The following KRT9 variants were observed in gnomAD, a reference collection of about 807,000 sequenced individuals.
The protein encoded by KRT9 is keratin, type I cytoskeletal 9.
A neutral mutation model predicts 51.4 loss-of-function variants in KRT9; 34 were observed. That is an observed-to-expected ratio of 0.66 (90% CI 0.50 to 0.88). The LOEUF is 0.88. Among genes scored for constraint, KRT9 ranks in the 40% least tolerant of loss-of-function variants. The probability of loss-of-function intolerance (pLI) is 0.00; values close to 1 mark genes in which losing one functional copy is unlikely to be tolerated. For synonymous variants in KRT9, 292 were observed against 289.7 expected, an observed-to-expected ratio of 1.01 and a Z score of -0.08; for missense variants, 753 against 790.3, an observed-to-expected ratio of 0.95 and a Z score of 0.57.
intron 4 of KRT9, 144 bp downstream of exon 4, chr17:41,569,282 T>C (rs904536006): frequency 3.2e-5 from 27 of 853,710 alleles, no homozygotes; most frequent in South Asian, 2.7e-4. Flanking sequence ...TGAAGATGGA[T>C]GAATGACTTC....
intron 7 of KRT9, among the ~76,000 whole-genome samples, 169 bp from the exon 8 acceptor site, chr17:41,566,321 C>T (rs1906874125): frequency 6.6e-6 from 1 of 152,120 alleles, no homozygotes; most frequent in Admixed American, 6.5e-5. Flanking sequence ...TCTACTGGTC[C>T]CCATCTAATT....
Position 41,571,938 on chromosome 17 carries a change from C to T in KRT9, c.55G>A (p.Gly19Arg), listed in dbSNP as rs758748023. Residue 19 changes from glycine (G) to arginine (R), a missense_variant, in exon 1 of 8, where the codon GGG becomes AGG. Gly to Arg is a moderately radical substitution (Grantham distance 125, BLOSUM62 -2). Transcript: ENST00000246662. ...SYLSRSGGGG[G>R]GGLGSGGSIR... Reference sequence around the variant, plus strand: ...CTGCCCCCGCTGCCCAGGCCGCCCCCGCCACCCCCGCCGCTGCGGCTCAAG... The same window carrying T: ...CTGCCCCCGCTGCCCAGGCCGCCCCTGCCACCCCCGCCGCTGCGGCTCAAG... 20 of 1,576,740 alleles carry T rather than the reference C, an allele frequency of 1.3e-5. No individual in the cohort carries two copies. The highest frequency in any genetic ancestry group is 2.2e-4 in the Middle Eastern group (1 of 4,486).
At position 41,570,373 on chromosome 17, in the gene KRT9, C is replaced by T. The variant is rs115502542; in HGVS notation, c.643-153G>A. Reference sequence around the variant, plus strand: ...CAACAGCTGGGACATGGCACAGACCCCTTCCAGCCTTCAGCGAAGATGTTT... The same window carrying T: ...CAACAGCTGGGACATGGCACAGACCTCTTCCAGCCTTCAGCGAAGATGTTT... On this transcript the variant is annotated intron_variant, in intron 1 of 7. Transcript: ENST00000246662. Among the ~76,000 whole-genome samples the T allele has an allele frequency of 2.4e-4, 36 of 152,324 alleles. 1 individual carries two copies. Among genetic ancestry groups the T allele is most frequent in the African/African-American group, 8.7e-4 (36 of 41,574 alleles).
intron 4 of KRT9, 94 bp downstream of exon 4, chr17:41,569,332 C>T: frequency 4.0e-6 from 5 of 1,243,102 alleles, no homozygotes; most frequent in Non-Finnish European, 5.8e-6. Context: ...CTGAGAGATG[C>T]AGAGATAGGA....
Position 41,568,333 on chromosome 17 carries a change from T to C in KRT9, c.1223A>G (p.Gln408Arg), listed in dbSNP as rs1472651688. The C allele has an allele frequency of 2.5e-6, 4 of 1,614,100 alleles. No individual in the cohort carries two copies. The highest frequency in any genetic ancestry group is 3.4e-6 in the Non-Finnish European group (4 of 1,180,040). ...GATCTGCTCCTGGATCATCTGCAGC[T>C]GGCCACAGTAGCGGTTCTTCGTGTC... Reference protein sequence around the residue: ...LEDTKNRYCGQLQMIQEQISN... With the variant: ...LEDTKNRYCGRLQMIQEQISN... The change falls in exon 6 of 8, where the codon CAG (glutamine) becomes CGG (arginine). Residue 408 changes from glutamine to arginine, a missense_variant. By Grantham distance (43) the Gln-to-Arg change is conservative. Transcript: ENST00000246662.
At chr17:41,566,413 C>CAACT (rs1360501985) in intron 7 of KRT9, among the ~76,000 whole-genome samples, 1 of 152,122 alleles carries the variant, frequency 6.6e-6, no homozygotes, top group Non-Finnish European at 1.5e-5. Context: ...CCCCTCCATT[C>CAACT]AACAGATTTG....
chr17:41,568,242 G>A lies in KRT9; in HGVS notation c.1314C>T (p.Ser438=), dbSNP rs1177281124. The change falls in exon 6 of 8, where the codon AGC becomes AGT. Residue 438 remains serine, a synonymous_variant. Transcript: ENST00000246662. ...GCCGCATCTTAATGCTGAGCAGAAG[G>A]CTGTATTCCTGATTCTGGCACTCGA... ...QEIECQNQEY[S]LLLSIKMRLE... 7 of 1,614,006 alleles carry A rather than the reference G, an allele frequency of 4.3e-6. No individual in the cohort carries two copies. The highest frequency in any genetic ancestry group is 5.9e-6 in the Non-Finnish European group (7 of 1,180,036).
chr17:41,567,207 C>T lies in KRT9; in HGVS notation c.*40+26G>A, dbSNP rs566850786. On this transcript the variant is annotated intron_variant, in intron 7 of 7. Coordinates refer to ENST00000246662, the MANE Select transcript of KRT9 (RefSeq NM_000226.4). ...AAAAAGGTGAGACCTTGACTCTCCA[C>T]CCCACAACCTAGGATTGTCCCTTAC... 203 of 1,613,694 alleles carry T rather than the reference C, an allele frequency of 1.3e-4. 1 individual carries two copies. In the South Asian group the frequency reaches 2.0e-3, roughly 16 times the overall value.
rs1381184812 is a variant in KRT9, at chr17:41,571,360, G to A, written c.633C>T (p.Leu211=). The part of the protein sequence containing the change: ...YSPYYNTIDD[L]KDQIVDLTVG... ...AGTTTCCTGCACCTACCTGGTCCTT[G>A]AGATCATCAATAGTGTTATAATAAG... Residue 211 remains leucine, a synonymous_variant, in exon 1 of 8, where the codon CTC becomes CTT. Transcript: ENST00000246662. 1.2e-6 allele frequency: 2 copies of A among 1,613,648 alleles called. No homozygotes were observed. Among genetic ancestry groups the A allele is most frequent in the African/African-American group, 2.7e-5 (2 of 74,868 alleles).
chr17:41,571,660 A>G lies in KRT9; in HGVS notation c.333T>C (p.Phe111=), dbSNP rs1410739146. The change falls in exon 1 of 8, where the codon TTT becomes TTC. Residue 111 remains phenylalanine, a synonymous_variant. Coordinates refer to ENST00000246662, the MANE Select transcript of KRT9 (RefSeq NM_000226.4). ...SGGGYSSSGG[F]GGGFGGGSGG... ...CAGAACCACCACCAAAGCCACCTCC[A>G]AAACCCCCAGAACTACTATAGCCTC... 6.2e-6 allele frequency: 10 copies of G among 1,603,778 alleles called. 1 individual carries two copies. Among genetic ancestry groups the G allele is most frequent in the Middle Eastern group, 3.3e-4 (2 of 6,042 alleles).
At chr17:41,568,477 T>C in intron 5 of KRT9, 31 bp downstream of exon 5, 1 of 1,614,152 alleles carries the variant, frequency 6.2e-7, no homozygotes, top group Non-Finnish European at 8.5e-7. Context: ...GTGCCCCACC[T>C]TGGCAAAGGG....
In KRT9 at chr17:41,569,538, A is replaced by G. The variant is rs757308249; in HGVS notation, c.932T>C (p.Ile311Thr). Residue 311 changes from isoleucine to threonine, a missense_variant, in exon 4 of 8, where the codon ATA (isoleucine) becomes ACA (threonine). By Grantham distance (89) the Ile-to-Thr change is moderately conservative. This residue lies in a region of KRT9 where 507 missense variants were observed against 563.7 expected (regional missense o/e 0.90). Transcript: ENST00000246662. ...GQNSGDVNVEINVAPGKDLTK... is the reference protein window; with the variant it reads ...GQNSGDVNVETNVAPGKDLTK... The stretch of plus-strand genomic sequence containing the variant: ...GAGATCTTTGCCAGGAGCAACGTTT[A>G]TCTCCACATTGACATCTCCACTGTT... 4 of 1,614,114 alleles carry G rather than the reference A, an allele frequency of 2.5e-6. No homozygotes were observed. Among genetic ancestry groups the G allele is most frequent in the Admixed American group, 1.7e-5 (1 of 60,020 alleles).
chr17:41,568,947 C>CAT (rs1333293285), intron 4 of KRT9, among the ~76,000 whole-genome samples: 1 of 151,652 alleles, frequency 6.6e-6, no homozygotes, highest in East Asian at 1.9e-4. Flanking sequence ...CACACACACA[C>CAT]ACACACACAG....
In KRT9 at chr17:41,569,432, C is replaced by G. The variant is rs370687378; in HGVS notation, c.1038G>C (p.Glu346Asp). 3 of 1,613,972 alleles carry G rather than the reference C, an allele frequency of 1.9e-6. No individual in the cohort carries two copies. Among genetic ancestry groups the G allele is most frequent in the Non-Finnish European group, 2.5e-6 (3 of 1,179,978 alleles). Residue 346 changes from glutamate to aspartate, a missense_variant, in exon 4 of 8, where the codon GAG (glutamate) becomes GAC (aspartate). Glu to Asp is a conservative substitution (Grantham distance 45). Around this residue, in one of 3 missense-constraint regions of KRT9, gnomAD observed 507 missense variants for 563.7 expected, o/e 0.90. Coordinates refer to ENST00000246662, the MANE Select transcript of KRT9 (RefSeq NM_000226.4). Reference sequence around the variant, plus strand: ...GGCAGCCCACTCTGCTCACCTGAGTCTCATATTGATTCTCGATGTCCTTTC... The same window carrying G: ...GGCAGCCCACTCTGCTCACCTGAGTGTCATATTGATTCTCGATGTCCTTTC... ...KNRKDIENQY[E>D]TQITQIEHEV...
chr17:41,571,366 A>G lies in KRT9; in HGVS notation c.627T>C (p.Asp209=), dbSNP rs1907069347. The G allele has an allele frequency of 6.2e-7, 1 of 1,613,904 alleles. No individual in the cohort carries two copies. The highest frequency in any genetic ancestry group is 8.5e-7 in the Non-Finnish European group (1 of 1,179,914). Residue 209 remains aspartate (D), a synonymous_variant, in exon 1 of 8, where the codon GAT becomes GAC. Transcript: ENST00000246662. ...KNYSPYYNTI[D]DLKDQIVDLT... is the part of the protein sequence containing the mutation. ...CTGCACCTACCTGGTCCTTGAGATC[A>G]TCAATAGTGTTATAATAAGGGGAGT...
Position 41,568,266 on chromosome 17 carries a change from G to C in KRT9, c.1290C>G (p.Ile430Met), listed in dbSNP as rs145501803. Residue 430 changes from isoleucine to methionine, a missense_variant, in exon 6 of 8, where the codon ATC becomes ATG. Physicochemically the swap from Ile to Met is conservative, Grantham distance 10. Coordinates refer to ENST00000246662, the MANE Select transcript of KRT9 (RefSeq NM_000226.4). ...EAQITDVRQE[I>M]ECQNQEYSLL... Reference sequence around the variant, plus strand: ...GGCTGTATTCCTGATTCTGGCACTCGATCTCTTGCCGGACGTCAGTGATCT... The same window carrying C: ...GGCTGTATTCCTGATTCTGGCACTCCATCTCTTGCCGGACGTCAGTGATCT... 2.5e-6 allele frequency: 4 copies of C among 1,614,100 alleles called. No individual in the cohort carries two copies. Among genetic ancestry groups the C allele is most frequent in the Non-Finnish European group, 3.4e-6 (4 of 1,180,028 alleles).
chr17:41,571,242 G>A, intron 1 of KRT9, 109 bp downstream of exon 1: 2 of 1,030,914 alleles, frequency 1.9e-6, no homozygotes, highest in Non-Finnish European at 3.1e-6. Context: ...TTTCCAAAAG[G>A]TGGATTCCCT....
At position 41,571,449 on chromosome 17, in the gene KRT9, C is replaced by T; in HGVS notation, c.544G>A (p.Glu182Lys). Reference protein sequence around the residue: ...QALEEANNDLENKIQDWYDKK... With the variant: ...QALEEANNDLKNKIQDWYDKK... The stretch of plus-strand genomic sequence containing the variant: ...TCGTACCAATCCTGGATCTTATTCT[C>T]CAGGTCGTTGTTGGCCTCCTCTAGA... The change falls in exon 1 of 8, where the codon GAG becomes AAG. Residue 182 changes from glutamate to lysine, a missense_variant. This residue lies in a region of KRT9 where 507 missense variants were observed against 563.7 expected (regional missense o/e 0.90). Coordinates refer to ENST00000246662, the MANE Select transcript of KRT9 (RefSeq NM_000226.4). The T allele has an allele frequency of 1.2e-6, 2 of 1,614,030 alleles. No homozygotes were observed. Among genetic ancestry groups the T allele is most frequent in the South Asian group, 2.2e-5 (2 of 91,066 alleles).
At chr17:41,568,849 C>A (rs1031816594) in intron 4 of KRT9, among the ~76,000 whole-genome samples, 1 of 152,014 alleles carries the variant, frequency 6.6e-6, no homozygotes, top group Admixed American at 6.6e-5. Flanking sequence ...ACCCTTCACG[C>A]TTTGTCTCAC....
Sources: gnomAD v4.1 joint callset for allele counts (sites outside exome capture counted in the v4.1 genomes callset) on GRCh38, gnomAD v4.1.1 for gene constraint, gnomAD v4.1.1 regional missense constraint, MANE v1.5 for transcripts, NCBI Gene and HGNC (gene_info 2026-07-23, HGNC 2026-07-21) for gene names.